GREB1: variants seen among roughly 807,000 people sequenced by gnomAD.
The protein encoded by GREB1 is growth regulating estrogen receptor binding 1.
GREB1 carries 106 observed loss-of-function variants against 200.7 expected under a neutral mutation model. The ratio of observed to expected loss-of-function variants is 0.53; its 90% CI spans 0.45 to 0.62. GREB1 has a LOEUF of 0.62. Among genes scored for constraint, GREB1 ranks in the 20% least tolerant of loss-of-function variants. GREB1 has a pLI of 0.00. For missense variants in GREB1, 2,243 were observed against 2,556.8 expected, an observed-to-expected ratio of 0.88 and a Z score of 2.65; for synonymous variants, 1,132 against 1,092.4, an observed-to-expected ratio of 1.04 and a Z score of -0.72.
intron 1 of GREB1, among the ~76,000 whole-genome samples, chr2:11,521,749 A>G (rs1393848919): frequency 6.6e-6 from 1 of 152,226 alleles, no homozygotes; most frequent in Non-Finnish European, 1.5e-5. Flanking sequence ...AATCTTGCAA[A>G]ATGCTAATAA....
In GREB1 at chr2:11,625,300, A is replaced by G; in HGVS notation, c.4294A>G (p.Ile1432Val). 6.2e-7 allele frequency: 1 copy of G among 1,614,190 alleles called. No individual in the cohort carries two copies. The highest frequency in any genetic ancestry group is 8.5e-7 in the Non-Finnish European group (1 of 1,180,012). The change falls in exon 24 of 33, where the codon ATA (isoleucine) becomes GTA (valine). Residue 1432 changes from isoleucine to valine, a missense_variant. By Grantham distance (29) the Ile-to-Val change is conservative. Transcript: ENST00000381486. ...ASLICSHYQG[I>V]KSEDRGMSRK... Reference sequence around the variant, plus strand: ...CCTGATTTGTTCGCACTATCAGGGTATAAAGAGTGAAGGTCAGACTTTGAA... The same window carrying G: ...CCTGATTTGTTCGCACTATCAGGGTGTAAAGAGTGAAGGTCAGACTTTGAA...
intron 17 of GREB1, among the ~76,000 whole-genome samples, chr2:11,608,699 T>C (rs1418260036): frequency 1.3e-5 from 2 of 152,230 alleles, no homozygotes. Flanking sequence ...AGGTGTTCCA[T>C]ATTGGCTGTG....
intron 24 of GREB1, 82 bp from the exon 25 acceptor site, chr2:11,626,880 T>G: frequency 5.0e-6 from 7 of 1,410,304 alleles, no homozygotes; most frequent in Non-Finnish European, 7.0e-6. Context: ...CATTTGAGCA[T>G]TTTTGGTTTC....
intron 1 of GREB1, among the ~76,000 whole-genome samples, chr2:11,503,349 T>G (rs1430774232): frequency 1.3e-5 from 2 of 152,248 alleles, no homozygotes; most frequent in Non-Finnish European, 2.9e-5. Context: ...ATTCACATTA[T>G]TGATGTAGTT....
intron 32 of GREB1, among the ~76,000 whole-genome samples, chr2:11,639,188 C>G (rs1006170053): frequency 5.9e-5 from 9 of 152,212 alleles, no homozygotes; most frequent in African/African-American, 1.9e-4. Flanking sequence ...CTCCTGGGTT[C>G]AAGTGATTCT....
chr2:11,497,966 C>A (rs1230312946), intron 1 of GREB1, among the ~76,000 whole-genome samples: 1 of 86,746 alleles, frequency 1.2e-5, no homozygotes, highest in African/African-American at 4.4e-5. Context: ...TTTTGCAGAG[C>A]AAAACTTTTT....
intron 1 of GREB1, among the ~76,000 whole-genome samples, chr2:11,515,613 G>T (rs1673471606): frequency 6.6e-6 from 1 of 152,138 alleles, no homozygotes; most frequent in Middle Eastern, 3.2e-3. Context: ...GAGGGCAGGG[G>T]CACTGACCTG....
intron 8 of GREB1, among the ~76,000 whole-genome samples, 194 bp from the exon 9 acceptor site, chr2:11,585,568 A>G (rs1679994994): frequency 1.3e-5 from 2 of 152,230 alleles, no homozygotes; most frequent in South Asian, 4.1e-4. Context: ...AGACTGAACT[A>G]CTGGGGGAAG....
chr2:11,616,659 GA>G lies in GREB1; in HGVS notation c.3355del (p.Arg1119GlyfsTer131). ...GSTSEKRSPMKRERSRSHDSA... is the reference protein window; with the variant it reads ...GSTSEKRSPMXRERSRSHDSA... ...CTACCTCGGAGAAGAGAAGCCCCATGAAAAGGGAGAGGTCCCGCTCCCACGA... is the reference window on the plus strand; with the variant it reads ...CTACCTCGGAGAAGAGAAGCCCCATGAAAGGGAGAGGTCCCGCTCCCACGA... On this transcript the variant is annotated frameshift_variant, in exon 21 of 33. Transcript: ENST00000381486. LOFTEE classifies it high-confidence loss of function. 1 of 1,612,860 alleles carries G rather than the reference GA, an allele frequency of 6.2e-7. No homozygotes were observed. The highest frequency in any genetic ancestry group is 8.5e-7 in the Non-Finnish European group (1 of 1,178,806).
intron 17 of GREB1, among the ~76,000 whole-genome samples, chr2:11,605,461 T>C (rs925309720): frequency 3.9e-5 from 6 of 152,094 alleles, no homozygotes; most frequent in Admixed American, 1.3e-4. Context: ...CCTGACTTCA[T>C]GATCTGCCCA....
Position 11,485,233 on chromosome 2 carries a change from C to T in GREB1, c.-159+2852C>T, listed in dbSNP as rs545651327. Among the ~76,000 whole-genome samples, 5 of 148,952 alleles carry T rather than the reference C, an allele frequency of 3.4e-5. No homozygotes were observed. The South Asian group carries it at 1.0e-3, about 31-fold the overall frequency. On this transcript the variant is annotated intron_variant, in intron 1 of 2. Transcript: ENST00000628795. ...CTTTTGCTGGGTAGGTAATTAGAAG[C>T]AACATTTATTTTATTTTATTTTATT...
intron 1 of GREB1, among the ~76,000 whole-genome samples, chr2:11,523,893 C>A (rs1673785669): frequency 6.6e-6 from 1 of 152,192 alleles, no homozygotes; most frequent in African/African-American, 2.4e-5. Flanking sequence ...GTGTCTGGCA[C>A]AGAATGGAAC....
Position 11,483,098 on chromosome 2 carries a change from C to T in GREB1, c.-159+717C>T, listed in dbSNP as rs950701522. Among the ~76,000 whole-genome samples, 7 of 151,992 alleles carry T rather than the reference C, an allele frequency of 4.6e-5. No individual in the cohort carries two copies. In the East Asian group the frequency reaches 1.2e-3, roughly 25 times the overall value. Reference sequence around the variant, plus strand: ...CGCGGGCACTTCCTGGCCCTGGTCCCGGGAAGGAGGTGGAAGGTGTCCGGG... The same window carrying T: ...CGCGGGCACTTCCTGGCCCTGGTCCTGGGAAGGAGGTGGAAGGTGTCCGGG... On this transcript the variant is annotated intron_variant, in intron 1 of 2. Coordinates refer to the GREB1 transcript ENST00000628795.
chr2:11,530,443 G>A (rs574387244), upstream of GREB1, among the ~76,000 whole-genome samples: 6 of 151,582 alleles, frequency 4.0e-5, no homozygotes, highest in South Asian at 1.3e-3. Context: ...TAAAATTTAG[G>A]TTAAAAGTTA....
chr2:11,515,659 G>C (rs953392017), intron 1 of GREB1, among the ~76,000 whole-genome samples: 4 of 152,186 alleles, frequency 2.6e-5, no homozygotes, highest in Non-Finnish European at 4.4e-5. Context: ...GTCCCCTCCT[G>C]TGTCTCCCAG....
chr2:11,561,887 GC>G (rs1677084045), intron 2 of GREB1: 1 of 153,270 alleles, frequency 6.5e-6, no homozygotes, highest in Non-Finnish European at 1.5e-5. Context: ...ATCAGCTTGG[GC>G]ATCACACAGG....
chr2:11,568,439 C>G (rs1437610358), intron 4 of GREB1, among the ~76,000 whole-genome samples: 1 of 152,238 alleles, frequency 6.6e-6, no homozygotes, highest in African/African-American at 2.4e-5. Context: ...TTGGCCAACT[C>G]TTTTGAGGCA....
chr2:11,562,608 G>A lies in GREB1; in HGVS notation c.277+26G>A. 2.6e-6 allele frequency: 4 copies of A among 1,557,180 alleles called. 1 individual carries two copies. The African/African-American group carries it at 4.2e-5, about 16-fold the overall frequency. On this transcript the variant is annotated intron_variant, in intron 3 of 32. Coordinates refer to ENST00000381486, the MANE Select transcript of GREB1 (RefSeq NM_014668.4). The stretch of plus-strand genomic sequence containing the variant: ...GTGAGCCTCTGCCAGCTCCTGGCCA[G>A]GCAGTGCCTGCCATGCTGCCCGGAG...
intron 3 of GREB1, among the ~76,000 whole-genome samples, chr2:11,564,866 C>G (rs953708063): frequency 2.0e-5 from 3 of 152,216 alleles, no homozygotes; most frequent in Non-Finnish European, 4.4e-5. Context: ...GCCTGACAAT[C>G]ATGGTGGAAG....
Sources: allele counts gnomAD v4.1 joint callset (sites outside exome capture counted in the v4.1 genomes callset), GRCh38; gene constraint gnomAD v4.1.1; transcripts MANE v1.5; gene names NCBI Gene and HGNC (gene_info 2026-07-23, HGNC 2026-07-21).